The following ANXA2 variants were observed in gnomAD, a reference collection of about 807,000 sequenced individuals.
ANXA2 encodes annexin II.
ANXA2 carries 28 observed loss-of-function variants against 47.3 expected under a neutral mutation model. That is an observed-to-expected ratio of 0.59 (90% confidence interval 0.44 to 0.81). The LOEUF is 0.81. ANXA2 is among the 40% of genes least tolerant of loss of function. The pLI is 0.00. For missense variants in ANXA2, 384 were observed against 414.3 expected (o/e 0.93, Z 0.64); for synonymous variants, 172 against 155.5 (o/e 1.11, Z -0.79).
chr15:60,380,579 G>A (rs148902674), intron 3 of ANXA2, among the ~76,000 whole-genome samples: 4,317 of 151,468 alleles, frequency 0.029, 128 homozygotes, highest in African/African-American at 0.074. Flanking sequence ...CAAGGCGGGC[G>A]GATCACCAGA....
intron 3 of ANXA2, among the ~76,000 whole-genome samples, chr15:60,378,270 G>A (rs2062808140): frequency 6.6e-6 from 1 of 152,140 alleles, no homozygotes. Context: ...TAAACACACT[G>A]AAATGTACAC....
intron 3 of ANXA2, among the ~76,000 whole-genome samples, chr15:60,376,363 A>G (rs568938720): frequency 9.2e-5 from 14 of 152,060 alleles, no homozygotes; most frequent in East Asian, 7.8e-4. Context: ...CTGGGCAACA[A>G]GAGCAAAACT....
chr15:60,354,379 C>T (rs773943066), intron 7 of ANXA2, among the ~76,000 whole-genome samples, 166 bp from the exon 8 acceptor site: 6 of 152,132 alleles, frequency 3.9e-5, no homozygotes, highest in Non-Finnish European at 5.9e-5. Flanking sequence ...CGGTGGCTCA[C>T]GCCTGTAATC....
At chr15:60,374,027 A>T (rs2062744484) in intron 3 of ANXA2, among the ~76,000 whole-genome samples, 1 of 152,208 alleles carries the variant, frequency 6.6e-6, no homozygotes, top group South Asian at 2.1e-4. Flanking sequence ...GCCTCTCCCA[A>T]GCCTGGCACA....
chr15:60,379,425 G>T (rs958171225), intron 3 of ANXA2, among the ~76,000 whole-genome samples: 5 of 152,176 alleles, frequency 3.3e-5, no homozygotes, highest in African/African-American at 1.2e-4. Flanking sequence ...TAAGACCACA[G>T]ATGAACAATG....
At chr15:60,353,581 G>A (rs954072291) in intron 8 of ANXA2, among the ~76,000 whole-genome samples, 3 of 152,224 alleles carry the variant, frequency 2.0e-5, no homozygotes, top group African/African-American at 4.8e-5. Flanking sequence ...AGACTATGGT[G>A]GGTTTAAAAT....
At position 60,347,419 on chromosome 15, in the gene ANXA2, A is replaced by G. The variant is rs1381552484; in HGVS notation, c.*211T>C. Reference sequence around the variant, plus strand: ...TTTCACATCATAGACTTCACTTCCAACTCCTTGGAATGTTCATTTCTTTGG... The same window carrying G: ...TTTCACATCATAGACTTCACTTCCAGCTCCTTGGAATGTTCATTTCTTTGG... On this transcript the variant is annotated 3_prime_UTR_variant, in exon 13 of 13. Coordinates refer to ENST00000451270, the MANE Select transcript of ANXA2 (RefSeq NM_004039.3). The G allele has an allele frequency of 3.3e-6, 2 of 599,736 alleles. No homozygotes were observed. Among genetic ancestry groups the G allele is most frequent in the South Asian group, 2.0e-5 (1 of 49,752 alleles). The allele number at this position is 599,736 out of a possible 1,614,324, so 37.2% of individuals were successfully genotyped here. A position where few individuals can be genotyped will look rare whatever the true frequency, so the allele number is the denominator to read the frequency against.
chr15:60,374,304 T>C, intron 3 of ANXA2: 1 of 370,452 alleles, frequency 2.7e-6, no homozygotes. Context: ...ACACCACTGC[T>C]CAAGATTCAA....
At position 60,361,294 on chromosome 15, in the gene ANXA2, G is replaced by T. The variant is rs192174836; in HGVS notation, c.244-240C>A. On this transcript the variant is annotated intron_variant, in intron 4 of 12. Transcript: ENST00000451270. Reference sequence around the variant, plus strand: ...CCAAGTTAATTTTGCCGTCTTCCCCGGTCAATAAAAGGAAACTGGAGTCGT... The same window carrying T: ...CCAAGTTAATTTTGCCGTCTTCCCCTGTCAATAAAAGGAAACTGGAGTCGT... 5.3e-5 allele frequency among the ~76,000 whole-genome samples: 8 copies of T among 152,222 alleles called. No individual in the cohort carries two copies. In the South Asian group the frequency reaches 1.7e-3, roughly 32 times the overall value.
rs559024233 is a variant in ANXA2, at chr15:60,384,476, G to A, written c.48+1552C>T. 2.2e-4 allele frequency: 33 copies of A among 152,292 alleles called. 1 individual carries two copies. In the South Asian group the frequency reaches 6.8e-3, roughly 32 times the overall value. 9.4% of individuals were successfully genotyped at this position (152,292 alleles called of 1,614,324 possible). On this transcript the variant is annotated intron_variant, in intron 2 of 12. Coordinates refer to ENST00000451270, the MANE Select transcript of ANXA2 (RefSeq NM_004039.3). Reference sequence around the variant, plus strand: ...CTTTCCTTAAAATAATGGGGAACATGTGACATTTTCTATTTCTGCCCCACC... The same window carrying A: ...CTTTCCTTAAAATAATGGGGAACATATGACATTTTCTATTTCTGCCCCACC...
At chr15:60,349,889 A>AGAAGGCAGGGAGGCAGGG (rs1566928322) in intron 11 of ANXA2, among the ~76,000 whole-genome samples, 1 of 39,944 alleles carries the variant, frequency 2.5e-5, no homozygotes, top group Non-Finnish European at 4.8e-5. Context: ...AGGAGGCAGG[A>AGAAGGCAGGGAGGCAGGG]GAAGGCAGGG....
chr15:60,378,580 T>C (rs543691553), intron 3 of ANXA2, among the ~76,000 whole-genome samples: 30 of 152,258 alleles, frequency 2.0e-4, no homozygotes, highest in South Asian at 1.9e-3. Context: ...CCTAAAAGGA[T>C]TTAGGGTTTT....
chr15:60,395,279 C>T (rs950795767), intron 1 of ANXA2, among the ~76,000 whole-genome samples: 13 of 152,214 alleles, frequency 8.5e-5, no homozygotes, highest in African/African-American at 2.9e-4. Flanking sequence ...TTATTTTTGG[C>T]GGGGGTCTGT....
intron 1 of ANXA2, among the ~76,000 whole-genome samples, chr15:60,388,252 C>G (rs1304295358): frequency 6.6e-6 from 1 of 151,936 alleles, no homozygotes; most frequent in Non-Finnish European, 1.5e-5. Context: ...ATACAGTAGC[C>G]ACCAGCCTCA....
intron 11 of ANXA2, 60 bp from the exon 12 acceptor site, chr15:60,349,257 C>T: frequency 6.3e-7 from 1 of 1,590,244 alleles, no homozygotes; most frequent in Non-Finnish European, 8.6e-7. Context: ...AAGAAAGCGT[C>T]TACAGGTTGA....
chr15:60,364,727 C>T (rs1490393300), intron 3 of ANXA2, among the ~76,000 whole-genome samples: 1 of 152,124 alleles, frequency 6.6e-6, no homozygotes, highest in Non-Finnish European at 1.5e-5. Context: ...TCTTGAGAGC[C>T]TCAAACCTCA....
rs150459759 is a variant in ANXA2, at chr15:60,357,177, C to T, written c.417G>A (p.Glu139=). ...TGTAGACTCTGTTAATTTCCTGCAG[C>T]TCCTGGTTGGTTCTGGAGCAGATGA... ...IEIICSRTNQ[E]LQEINRVYKE... is the part of the protein sequence containing the mutation. Residue 139 remains glutamate (E), a synonymous_variant, in exon 6 of 13, where the codon GAG becomes GAA. Transcript: ENST00000451270. 1,033 of 1,614,192 alleles carry T rather than the reference C, an allele frequency of 6.4e-4. 3 individuals are homozygous for T. Among genetic ancestry groups the T allele is most frequent in the South Asian group, 1.3e-3 (119 of 91,082 alleles).
At chr15:60,397,007 G>A (rs77555009) in intron 1 of ANXA2, among the ~76,000 whole-genome samples, 4,135 of 152,236 alleles carry the variant, frequency 0.027, 173 homozygotes, top group African/African-American at 0.09. Context: ...AACTCTGGGT[G>A]GTGGTAAGAA....
chr15:60,351,627 C>T (rs1424204784), intron 10 of ANXA2, 97 bp downstream of exon 10: 3 of 806,832 alleles, frequency 3.7e-6, no homozygotes, highest in Non-Finnish European at 6.4e-6. Context: ...GCATAGAAGC[C>T]ACACCTCCCA....
Sources: gnomAD v4.1 joint callset for allele counts (sites outside exome capture counted in the v4.1 genomes callset) on GRCh38, gnomAD v4.1.1 for gene constraint, MANE v1.5 for transcripts, NCBI Gene and HGNC (gene_info 2026-07-23, HGNC 2026-07-21) for gene names.